The following STAT2 variants were observed in gnomAD, a reference collection of about 807,000 sequenced individuals.
STAT2 encodes the protein interferon alpha induced transcriptional activator.
Under a neutral mutation model 122.3 loss-of-function variants are expected in STAT2, and 51 were observed. The ratio of observed to expected loss-of-function variants is 0.42; its 90% CI spans 0.33 to 0.53. STAT2 has a LOEUF of 0.53. Ranked by LOEUF, STAT2 falls within the 20% of genes least tolerant of loss-of-function variation. The pLI is 0.10. For synonymous variants in STAT2, 351 were observed against 394.9 expected (o/e 0.89, Z 1.32); for missense variants, 736 against 1,010.3 (o/e 0.73, Z 3.68).
At chr12:56,350,343 G>T in intron 12 of STAT2, 69 bp downstream of exon 12, 1 of 1,514,352 alleles carries the variant, frequency 6.6e-7, no homozygotes, top group Non-Finnish European at 9.0e-7. Context: ...GTGCCACCAG[G>T]GCTGCCGAAT....
In STAT2 at chr12:56,351,442, G is replaced by C. The variant is rs1407977150; in HGVS notation, c.791C>G (p.Ala264Gly). 2 of 1,613,190 alleles carry C rather than the reference G, an allele frequency of 1.2e-6. No homozygotes were observed. Among genetic ancestry groups the C allele is most frequent in the Non-Finnish European group, 1.7e-6 (2 of 1,179,722 alleles). Residue 264 changes from alanine to glycine, a missense_variant, in exon 9 of 24, where the codon GCT becomes GGT. Coordinates refer to ENST00000314128, the MANE Select transcript of STAT2 (RefSeq NM_005419.4). ...GLEQLETWFT[A>G]GAKLLFHLRQ... is the part of the protein sequence containing the mutation. ...CAGGTGAAACAACAGCTTTGCTCCA[G>C]CTGTGAACCTGGGTGATAAAATTCA...
intron 8 of STAT2, among the ~76,000 whole-genome samples, chr12:56,353,132 C>A (rs369106706): frequency 6.6e-6 from 1 of 152,090 alleles, no homozygotes; most frequent in African/African-American, 2.4e-5. Flanking sequence ...TACAGGCATG[C>A]GCCACCACAC....
At position 56,351,416 on chromosome 12, in the gene STAT2, TC is replaced by T; in HGVS notation, c.816del (p.Arg273GlyfsTer4). The T allele has an allele frequency of 6.2e-7, 1 of 1,614,058 alleles. No homozygotes were observed. The highest frequency in any genetic ancestry group is 8.5e-7 in the Non-Finnish European group (1 of 1,180,014). ...CCCTTCAGCTCCTTCAGCAGCTGCC[TC>T]AGGTGAAACAACAGCTTTGCTCCAG... ...FTAGAKLLFH[L>X]RQLLKELKGL... On this transcript the variant is annotated frameshift_variant, in exon 9 of 24. Coordinates refer to ENST00000314128, the MANE Select transcript of STAT2 (RefSeq NM_005419.4). LOFTEE classifies it high-confidence loss of function.
At chr12:56,347,004 C>CCAGG in intron 19 of STAT2, 49 bp from the exon 20 acceptor site, 1 of 1,599,514 alleles carries the variant, frequency 6.3e-7, no homozygotes, top group Non-Finnish European at 8.5e-7. Context: ...CCCTGCCCCA[C>CCAGG]CAGGCCCCTG....
chr12:56,345,520 A>AT (rs1464139384), intron 22 of STAT2, among the ~76,000 whole-genome samples: 4 of 24,674 alleles, frequency 1.6e-4, no homozygotes, highest in South Asian at 2.9e-3. Context: ...AAAAAAAAAA[A>AT]AAAAATATAT....
chr12:56,345,524 A>AAAAAAATCTATATATATATAT (rs1555169410), intron 22 of STAT2, among the ~76,000 whole-genome samples: 1 of 26,250 alleles, frequency 3.8e-5, no homozygotes, highest in Non-Finnish European at 5.4e-5. Context: ...AAAAAAAAAA[A>AAAAAAATCTATATATATATAT]ATATATATAT....
At chr12:56,354,326 G>C in intron 8 of STAT2, 140 bp downstream of exon 8, 1 of 1,327,258 alleles carries the variant, frequency 7.5e-7, no homozygotes, top group Non-Finnish European at 1.0e-6. Flanking sequence ...GAGCAGAATA[G>C]AGCTGCAGTC....
chr12:56,344,051 T>C lies in STAT2; in HGVS notation c.2187A>G (p.Pro729=). The C allele has an allele frequency of 6.2e-7, 1 of 1,611,888 alleles. No homozygotes were observed. Among genetic ancestry groups the C allele is most frequent in the Non-Finnish European group, 8.5e-7 (1 of 1,178,774 alleles). ...ESLELELGLV[P]EPELSLDLEP... ...CTAAGTCCAGGCTGAGCTCTGGCTC[T>C]GGCACCAGCCCTAGTTCCAGCTCTA... Residue 729 remains proline, a synonymous_variant, in exon 23 of 24, where the codon CCA becomes CCG. Coordinates refer to ENST00000314128, the MANE Select transcript of STAT2 (RefSeq NM_005419.4).
chr12:56,355,985 G>T (rs1446207005), intron 3 of STAT2, 147 bp downstream of exon 3: 2 of 1,283,498 alleles, frequency 1.6e-6, no homozygotes, highest in Admixed American at 4.5e-5. Context: ...CTCTGCTAGT[G>T]ATTCCCCAAG....
In STAT2 at chr12:56,355,196, G is replaced by A. The variant is rs552409445; in HGVS notation, c.547+80C>T. ...TGTCTGACAGTGACTACTGCTCATC[G>A]GAGCTTTCTCCTGTTCACTTCCAGC... On this transcript the variant is annotated intron_variant, in intron 6 of 23. Transcript: ENST00000314128. 5.6e-5 allele frequency: 86 copies of A among 1,529,550 alleles called. No individual in the cohort carries two copies. In the South Asian group the frequency reaches 5.6e-4, roughly 10 times the overall value. The allele number at this position is 1,529,550 out of a possible 1,614,324, so 94.7% of individuals were successfully genotyped here.
rs144221064 is a variant in STAT2, at chr12:56,343,460, C to T, written c.2485G>A (p.Val829Met). The change falls in exon 24 of 24, where the codon GTG becomes ATG. Residue 829 changes from valine to methionine, a missense_variant. Physicochemically the swap from Val to Met is conservative, Grantham distance 21. Transcript: ENST00000314128. The part of the protein sequence containing the change: ...GDPLLAGQNT[V>M]DEVYVSRPSH... ...GGGCGGGAGACGTAAACCTCATCCA[C>T]GGTGTTCTGGCCAGCCAACAGTGGG... The T allele has an allele frequency of 1.3e-5, 21 of 1,614,070 alleles. No homozygotes were observed. The highest frequency in any genetic ancestry group is 4.0e-5 in the African/African-American group (3 of 74,926).
chr12:56,356,376 G>C, intron 2 of STAT2, 65 bp downstream of exon 2: 1 of 1,607,196 alleles, frequency 6.2e-7, no homozygotes, highest in Non-Finnish European at 8.5e-7. Context: ...AATGATTCCA[G>C]GATCCCGGGG....
At chr12:56,349,894 C>G (rs961909365) in intron 13 of STAT2, 13 of 644,592 alleles carry the variant, frequency 2.0e-5, no homozygotes, top group African/African-American at 9.2e-5. Context: ...ACTAAAAATA[C>G]AAAAATTAGC....
At position 56,348,559 on chromosome 12, in the gene STAT2, T is replaced by A; in HGVS notation, c.1694A>T (p.His565Leu). ...TWLDKILELV[H>L]DHLKDLWNDG... is the part of the protein sequence containing the mutation. ...ATTCCAGAGATCCTTCAGGTGGTCA[T>A]GTACCAACTCCAGAATTTTGTCCAG... The change falls in exon 19 of 24, where the codon CAT becomes CTT. Residue 565 changes from histidine (H) to leucine (L), a missense_variant. His to Leu is a moderately conservative substitution (Grantham distance 99). Transcript: ENST00000314128. 1 of 1,614,152 alleles carries A rather than the reference T, an allele frequency of 6.2e-7. No individual in the cohort carries two copies. The highest frequency in any genetic ancestry group is 8.5e-7 in the Non-Finnish European group (1 of 1,180,026).
intron 19 of STAT2, among the ~76,000 whole-genome samples, chr12:56,347,809 G>A (rs975059801): frequency 6.6e-6 from 1 of 152,122 alleles, no homozygotes; most frequent in Non-Finnish European, 1.5e-5. Flanking sequence ...GTCATGAATA[G>A]CACTTTTAAA....
intron 7 of STAT2, 32 bp from the exon 8 acceptor site, chr12:56,354,646 C>T (rs750533324): frequency 7.4e-6 from 12 of 1,613,726 alleles, no homozygotes; most frequent in Non-Finnish European, 1.0e-5. Flanking sequence ...TGTTGAGCAT[C>T]TCTCCCTTTC....
At position 56,350,899 on chromosome 12, in the gene STAT2, G is replaced by A. The variant is rs1878358841; in HGVS notation, c.1035-11C>T. ...AGTCTCACCAGCAGCCTGGGGGAAG[G>A]AAGGGGGATAGGGGAAAGTGGTCAA... On this transcript the variant is annotated splice_polypyrimidine_tract_variant and intron_variant, in intron 10 of 23. Coordinates refer to ENST00000314128, the MANE Select transcript of STAT2 (RefSeq NM_005419.4). The A allele has an allele frequency of 1.2e-6, 2 of 1,614,174 alleles. No homozygotes were observed. Among genetic ancestry groups the A allele is most frequent in the East Asian group, 2.2e-5 (1 of 44,882 alleles).
Position 56,356,484 on chromosome 12 carries a change from C to T in STAT2, c.88G>A (p.Asp30Asn). 1 of 1,614,182 alleles carries T rather than the reference C, an allele frequency of 6.2e-7. No individual in the cohort carries two copies. The highest frequency in any genetic ancestry group is 8.5e-7 in the Non-Finnish European group (1 of 1,180,046). Reference sequence around the variant, plus strand: ...CAGACAGCCAAGTACTGTCGAATGTCCACAGGCAGGAGGCTGTGCGAGTAA... The same window carrying T: ...CAGACAGCCAAGTACTGTCGAATGTTCACAGGCAGGAGGCTGTGCGAGTAA... ...QLYSHSLLPV[D>N]IRQYLAVWIE... is the part of the protein sequence containing the mutation. Residue 30 changes from aspartate to asparagine, a missense_variant, in exon 2 of 24, where the codon GAC becomes AAC. By Grantham distance (23) the Asp-to-Asn change is conservative. Transcript: ENST00000314128.
At chr12:56,350,367 T>TC (rs1289627888) in intron 12 of STAT2, 45 bp downstream of exon 12, 1 of 1,578,446 alleles carries the variant, frequency 6.3e-7, no homozygotes, top group Non-Finnish European at 8.6e-7. Flanking sequence ...GTTCTGCAGG[T>TC]CATACACTGT....
Sources: gnomAD v4.1 joint callset for allele counts (sites outside exome capture counted in the v4.1 genomes callset) on GRCh38, gnomAD v4.1.1 for gene constraint, MANE v1.5 for transcripts, NCBI Gene and HGNC (gene_info 2026-07-23, HGNC 2026-07-21) for gene names.